The following ZNF208 variants were observed in gnomAD, a reference collection of about 807,000 sequenced individuals.
The protein encoded by ZNF208 is zinc finger protein 208.
A neutral mutation model predicts 12.1 loss-of-function variants in ZNF208; 10 were observed. The observed-to-expected ratio is 0.83, with a 90% CI of 0.51 to 1.40. ZNF208 has a LOEUF of 1.40. Among genes scored for constraint, ZNF208 ranks in the 40% most tolerant of loss-of-function variants. ZNF208 has a pLI of 0.00. For synonymous variants in ZNF208, 497 were observed against 488.4 expected (o/e 1.02, Z -0.23); for missense variants, 1,652 against 1,485.0 (o/e 1.11, Z -1.85).
chr19:21,974,762 A>C lies in ZNF208; in HGVS notation c.272T>G (p.Ile91Arg). The C allele has an allele frequency of 1.9e-6, 3 of 1,606,274 alleles. No individual in the cohort carries two copies. Among genetic ancestry groups the C allele is most frequent in the East Asian group, 2.2e-5 (1 of 44,754 alleles). Residue 91 changes from isoleucine (I) to arginine (R), a missense_variant, in exon 4 of 4, where the codon ATA becomes AGA. By Grantham distance (97) the Ile-to-Arg change is moderately conservative. Transcript: ENST00000397126. ...TATCACTTTTTGGAAAGAATCTTCT[A>C]TGCCCTGCTCTGGCCAAAGATCTTG... ...FAQDLWPEQGIEDSFQKVILR... is the reference protein window; with the variant it reads ...FAQDLWPEQGREDSFQKVILR...
At position 21,970,573 on chromosome 19, in the gene ZNF208, C is replaced by G. The variant is rs999136160; in HGVS notation, c.*618G>C. ...TTTATGAGTAGTAAGGTGTGAGGACCAGTTGAAGTCTTTATCACATTCTTC... is the reference window on the plus strand; with the variant it reads ...TTTATGAGTAGTAAGGTGTGAGGACGAGTTGAAGTCTTTATCACATTCTTC... On this transcript the variant is annotated 3_prime_UTR_variant, in exon 4 of 4. Coordinates refer to ENST00000397126, the MANE Select transcript of ZNF208 (RefSeq NM_007153.3). The G allele has an allele frequency of 3.3e-5, 24 of 738,458 alleles. No homozygotes were observed. The highest frequency in any genetic ancestry group is 5.4e-5 in the Non-Finnish European group (24 of 443,478). The allele number at this position is 738,458 out of a possible 1,614,324, so 45.7% of individuals were successfully genotyped here. A position where few individuals can be genotyped will look rare whatever the true frequency, so the allele number is the denominator to read the frequency against.
chr19:21,961,627 A>C (rs1274916243), downstream of ZNF208, among the ~76,000 whole-genome samples: 1 of 152,034 alleles, frequency 6.6e-6, no homozygotes, highest in Non-Finnish European at 1.5e-5. Flanking sequence ...TCCTTATCTC[A>C]ATCACATAAG....
intron 3 of ZNF208, among the ~76,000 whole-genome samples, chr19:21,980,259 C>CA (rs1318936730): frequency 6.6e-6 from 1 of 151,000 alleles, no homozygotes; most frequent in Non-Finnish European, 1.5e-5. Flanking sequence ...TGCCACAAAT[C>CA]AACAGAATAT....
At chr19:21,989,078 C>T (rs4574045) in intron 1 of ZNF208, among the ~76,000 whole-genome samples, 169 bp from the exon 2 acceptor site, 87,955 of 146,454 alleles carry the variant, frequency 0.6, 25,768 homozygotes, top group East Asian at 0.7. Flanking sequence ...TATTCTCTCT[C>T]TTTTTTCTTT....
At chr19:21,941,920 G>A (rs1282179608) in intron 4 of ZNF208, among the ~76,000 whole-genome samples, 6 of 151,968 alleles carry the variant, frequency 3.9e-5, no homozygotes, top group Non-Finnish European at 5.9e-5. Context: ...ACTTTATTAT[G>A]TTTTAGAAAA....
At chr19:21,985,225 T>C (rs902825745) in intron 3 of ZNF208, among the ~76,000 whole-genome samples, 1 of 152,112 alleles carries the variant, frequency 6.6e-6, no homozygotes, top group Non-Finnish European at 1.5e-5. Context: ...CAAAAAGGTC[T>C]CCTATTTGCT....
At position 21,967,664 on chromosome 19, in the gene ZNF208, G is replaced by A. The variant is rs1427667136; in HGVS notation, c.*3527C>T. On this transcript the variant is annotated 3_prime_UTR_variant, in exon 4 of 4. Coordinates refer to ENST00000397126, the MANE Select transcript of ZNF208 (RefSeq NM_007153.3). ...GCCTCCCAAAGGGCTGAGATGACAGGCATGAGCCACCATGCTTGGCCCAGA... is the reference window on the plus strand; with the variant it reads ...GCCTCCCAAAGGGCTGAGATGACAGACATGAGCCACCATGCTTGGCCCAGA... 2 of 152,108 alleles carry A rather than the reference G, an allele frequency of 1.3e-5. No individual in the cohort carries two copies. The highest frequency in any genetic ancestry group is 1.5e-5 in the Non-Finnish European group (1 of 68,014). The allele number at this position is 152,108 out of a possible 1,614,324, so 9.4% of individuals were successfully genotyped here.
intron 4 of ZNF208, among the ~76,000 whole-genome samples, chr19:21,955,648 GT>G (rs1447598896): frequency 6.6e-6 from 1 of 152,010 alleles, no homozygotes; most frequent in East Asian, 1.9e-4. Flanking sequence ...CATGTGTCAT[GT>G]AGTTCTTGTG....
At chr19:21,951,404 A>G (rs945102954) in intron 4 of ZNF208, among the ~76,000 whole-genome samples, 2 of 152,190 alleles carry the variant, frequency 1.3e-5, no homozygotes, top group African/African-American at 4.8e-5. Flanking sequence ...AAAAAATTAT[A>G]AGAAGGCATA....
chr19:21,976,141 TA>T (rs2145554692), intron 3 of ZNF208, among the ~76,000 whole-genome samples: 2 of 152,282 alleles, frequency 1.3e-5, no homozygotes, highest in South Asian at 4.1e-4. Flanking sequence ...CTCTAACATT[TA>T]AGAGATAAAA....
At chr19:21,986,459 GAA>G (rs1264149835) in intron 3 of ZNF208, among the ~76,000 whole-genome samples, 4 of 151,978 alleles carry the variant, frequency 2.6e-5, no homozygotes, top group African/African-American at 7.2e-5. Context: ...CTGAGGAGTT[GAA>G]AAAGTTTTCA....
chr19:21,955,350 A>G (rs566659490), intron 4 of ZNF208, among the ~76,000 whole-genome samples: 11 of 152,180 alleles, frequency 7.2e-5, no homozygotes, highest in African/African-American at 2.7e-4. Flanking sequence ...CGTTCTCTGT[A>G]TTTCCTGAAT....
At chr19:21,951,769 G>C (rs1969892084) in intron 4 of ZNF208, among the ~76,000 whole-genome samples, 1 of 152,194 alleles carries the variant, frequency 6.6e-6, no homozygotes, top group African/African-American at 2.4e-5. Flanking sequence ...TTCAACTGAG[G>C]TACATGGCTC....
intron 3 of ZNF208, among the ~76,000 whole-genome samples, chr19:21,978,724 T>G (rs1343287620): frequency 6.6e-6 from 1 of 152,176 alleles, no homozygotes; most frequent in Non-Finnish European, 1.5e-5. Flanking sequence ...GAGAATGAGT[T>G]TGACGAATTG....
intron 1 of ZNF208, among the ~76,000 whole-genome samples, chr19:22,003,216 A>G (rs1457965859): frequency 6.6e-6 from 1 of 152,238 alleles, no homozygotes; most frequent in Admixed American, 6.5e-5. Context: ...GTTAATCTTA[A>G]AAAGGATATA....
intron 4 of ZNF208, chr19:21,941,237 G>T (rs1969734954): frequency 2.0e-5 from 8 of 398,418 alleles, no homozygotes; most frequent in Non-Finnish European, 2.7e-5. Flanking sequence ...ACCAGAGAAG[G>T]ACAAGAAAAA....
intron 3 of ZNF208, among the ~76,000 whole-genome samples, chr19:21,977,385 C>T (rs1237563631): frequency 6.6e-6 from 1 of 152,216 alleles, no homozygotes; most frequent in African/African-American, 2.4e-5. Context: ...CTGGTTTCAT[C>T]TCATTCCAAC....
intron 1 of ZNF208, among the ~76,000 whole-genome samples, chr19:22,004,435 C>T (rs1489417475): frequency 6.6e-6 from 1 of 151,978 alleles, no homozygotes; most frequent in Admixed American, 6.6e-5. Flanking sequence ...ATTGCTTGAA[C>T]CTGGGAGGTA....
Position 21,973,210 on chromosome 19 carries a change from G to C in ZNF208, c.1824C>G (p.Pro608=), listed in dbSNP as rs1322917211. 1 of 1,613,534 alleles carries C rather than the reference G, an allele frequency of 6.2e-7. No homozygotes were observed. Among genetic ancestry groups the C allele is most frequent in the South Asian group, 1.1e-5 (1 of 91,036 alleles). ...KHKRIHTGEK[P]YKCEECGKTF... Reference sequence around the variant, plus strand: ...TTTTGCCACATTCTTCACATTTGTAGGGTTTCTCACCAGTATGAATTCTCT... The same window carrying C: ...TTTTGCCACATTCTTCACATTTGTACGGTTTCTCACCAGTATGAATTCTCT... The change falls in exon 4 of 4, where the codon CCC becomes CCG. Residue 608 remains proline, a synonymous_variant. Transcript: ENST00000397126.
Sources: gnomAD v4.1 joint callset for allele counts (sites outside exome capture counted in the v4.1 genomes callset) on GRCh38, gnomAD v4.1.1 for gene constraint, MANE v1.5 for transcripts, NCBI Gene and HGNC (gene_info 2026-07-23, HGNC 2026-07-21) for gene names.